The following LIPA variants were observed in gnomAD, a reference collection of about 807,000 sequenced individuals.
LIPA encodes lipase A, lysosomal acid type.
In LIPA, 26 loss-of-function variants were observed where a neutral mutation model predicts 40.6. That is an observed-to-expected ratio of 0.64 (90% confidence interval 0.47 to 0.89). The LOEUF is 0.89. Among genes scored for constraint, LIPA ranks in the 40% least tolerant of loss-of-function variants. LIPA has a pLI of 0.00. For synonymous variants in LIPA, 188 were observed against 168.4 expected, an observed-to-expected ratio of 1.12 and a Z score of -0.90; for missense variants, 455 against 479.6, an observed-to-expected ratio of 0.95 and a Z score of 0.48.
At chr10:89,237,496 G>A (rs1324743969) in intron 3 of LIPA, among the ~76,000 whole-genome samples, 2 of 151,996 alleles carry the variant, frequency 1.3e-5, no homozygotes, top group Non-Finnish European at 2.9e-5. Context: ...ACGTTTATTA[G>A]TAAGGAAGAG....
At chr10:89,339,900 A>G (rs17119665) in intron 1 of LIPA, 38,860 of 1,614,108 alleles carry the variant, frequency 0.024, 1,708 homozygotes, top group African/African-American at 0.2. Context: ...AAAATGCACC[A>G]AATTATTGGT....
intron 1 of LIPA, chr10:89,309,104 A>G (rs1210989830): frequency 1.3e-5 from 2 of 152,240 alleles, no homozygotes; most frequent in Non-Finnish European, 2.9e-5. Context: ...GGCTTCGGAT[A>G]ACAGCTGCCA....
intron 1 of LIPA, among the ~76,000 whole-genome samples, chr10:89,283,419 T>G (rs1412581042): frequency 6.6e-6 from 1 of 152,240 alleles, no homozygotes; most frequent in Non-Finnish European, 1.5e-5. Flanking sequence ...ATTTAATTTG[T>G]CTAAGGTTTT....
chr10:89,386,970 T>TGA (rs1844214487), intron 2 of LIPA, among the ~76,000 whole-genome samples: 1 of 80,822 alleles, frequency 1.2e-5, no homozygotes, highest in African/African-American at 4.5e-5. Flanking sequence ...TGTGTGTGTG[T>TGA]GTGAGAGAGA....
chr10:89,393,229 C>T (rs1235001792), intron 2 of LIPA: 1 of 1,289,680 alleles, frequency 7.8e-7, no homozygotes, highest in Non-Finnish European at 1.0e-6. Flanking sequence ...AGCCTTCCTC[C>T]ATAGGCTTCT....
intron 2 of LIPA, 88 bp from the exon 3 acceptor site, chr10:89,245,881 T>C: frequency 1.3e-6 from 1 of 793,102 alleles, no homozygotes; most frequent in South Asian, 1.3e-5. Flanking sequence ...ATAAACTATG[T>C]TCTCCAGGCT....
chr10:89,405,446 A>C, intron 2 of LIPA: 1 of 152,250 alleles, frequency 6.6e-6, no homozygotes, highest in East Asian at 1.9e-4. Context: ...GGGGGAATAT[A>C]CTAGTTTCTT....
chr10:89,393,141 G>A, intron 2 of LIPA: 1 of 1,292,388 alleles, frequency 7.7e-7, no homozygotes, highest in Non-Finnish European at 1.0e-6. Flanking sequence ...GGACCCACAA[G>A]AATGTGAAAG....
At chr10:89,352,286 A>T (rs558640008) in intron 2 of LIPA, among the ~76,000 whole-genome samples, 1 of 152,290 alleles carries the variant, frequency 6.6e-6, no homozygotes, top group East Asian at 1.9e-4. Flanking sequence ...TCACAGAGGA[A>T]GGGCAGTGCG....
At chr10:89,291,194 ACTTC>A (rs911571495) in intron 1 of LIPA, among the ~76,000 whole-genome samples, 2 of 133,368 alleles carry the variant, frequency 1.5e-5, no homozygotes, top group African/African-American at 2.8e-5. Flanking sequence ...CCTTCCTCTT[ACTTC>A]CTTCCTTTGT....
chr10:89,413,866 G>A (rs1311206835), intron 1 of LIPA, among the ~76,000 whole-genome samples: 2 of 152,086 alleles, frequency 1.3e-5, no homozygotes, highest in Non-Finnish European at 2.9e-5. Flanking sequence ...TAAGGCCCGT[G>A]TCTGTTTTCT....
At chr10:89,354,670 C>G (rs1251108907) in intron 2 of LIPA, among the ~76,000 whole-genome samples, 1 of 152,158 alleles carries the variant, frequency 6.6e-6, no homozygotes, top group East Asian at 1.9e-4. Context: ...CAGGTTCAAG[C>G]AATTCTACTG....
At chr10:89,285,952 G>T (rs1843339200) in intron 1 of LIPA, among the ~76,000 whole-genome samples, 2 of 151,658 alleles carry the variant, frequency 1.3e-5, no homozygotes, top group East Asian at 3.9e-4. Context: ...CCCTTAGCCT[G>T]TGTTCTCAAG....
intron 1 of LIPA, among the ~76,000 whole-genome samples, chr10:89,256,955 G>T (rs893144452): frequency 2.6e-5 from 4 of 152,132 alleles, no homozygotes; most frequent in African/African-American, 7.2e-5. Context: ...ATAAGAAAAT[G>T]ATATTTATTC....
intron 1 of LIPA, chr10:89,278,032 C>A (rs895863867): frequency 2.0e-5 from 3 of 152,070 alleles, no homozygotes; most frequent in African/African-American, 4.8e-5. Context: ...ACAATCCTGC[C>A]TTTTTTCTTT....
In LIPA at chr10:89,227,136, AAC is replaced by A; in HGVS notation, c.429-134_429-133del. On this transcript the variant is annotated intron_variant, in intron 4 of 9. Coordinates refer to ENST00000336233, the MANE Select transcript of LIPA (RefSeq NM_000235.4). ...AAAACCAGCAGTGAGTCCAGGAAAC[AAC>A]ACCAGCAGGACTGCAGAAGCCCCCT... is the stretch of plus-strand genomic sequence containing the variant. 4.2e-6 allele frequency: 3 copies of A among 708,012 alleles called. No individual in the cohort carries two copies. The East Asian group carries it at 8.0e-5, about 19-fold the overall frequency. 43.9% of individuals were successfully genotyped at this position (708,012 alleles called of 1,614,324 possible). A position where few individuals can be genotyped will look rare whatever the true frequency, so the allele number is the denominator to read the frequency against.
At chr10:89,383,812 GC>G in intron 2 of LIPA, 1 of 1,614,220 alleles carries the variant, frequency 6.2e-7, no homozygotes, top group Non-Finnish European at 8.5e-7. Flanking sequence ...CTTTGAAAAG[GC>G]TCTGGAAGGG....
In LIPA at chr10:89,287,810, G is replaced by A. The variant is rs117240321; in HGVS notation, c.-1-40161C>T. ...ATTTTACCTCTCCAAAAACCAGACA[G>A]GTCTTACAGGTTAGTTCAGGATCCG... On this transcript the variant is annotated intron_variant, in intron 1 of 5. Coordinates refer to the LIPA transcript ENST00000282673. 1.5e-3 allele frequency among the ~76,000 whole-genome samples: 232 copies of A among 151,628 alleles called. 2 individuals are homozygous for A. The East Asian group carries it at 0.022, about 15-fold the overall frequency.
At chr10:89,273,098 C>A (rs1320152414) in intron 1 of LIPA, among the ~76,000 whole-genome samples, 1 of 152,186 alleles carries the variant, frequency 6.6e-6, no homozygotes. Flanking sequence ...CAACCTTGTG[C>A]CCTGTCTTAG....
Sources: allele counts gnomAD v4.1 joint callset (sites outside exome capture counted in the v4.1 genomes callset), GRCh38; gene constraint gnomAD v4.1.1; transcripts MANE v1.5; gene names NCBI Gene and HGNC (gene_info 2026-07-23, HGNC 2026-07-21).